Variants in PRKN observed in about 807,000 individuals in gnomAD.
The protein encoded by PRKN is E3 ubiquitin-protein ligase parkin.
PRKN carries 56 observed loss-of-function variants against 59.5 expected under a neutral mutation model. The observed-to-expected ratio is 0.94, with a 90% CI of 0.76 to 1.18. The LOEUF (loss-of-function observed/expected upper bound fraction) is 1.18. PRKN is among the 50% of genes most tolerant of loss of function. The pLI is 0.00. For synonymous variants in PRKN, 250 were observed against 222.1 expected (o/e 1.13, Z -1.12); for missense variants, 657 against 596.4 (o/e 1.10, Z -1.06).
intron 7 of PRKN, among the ~76,000 whole-genome samples, chr6:161,569,902 G>A (rs776819153): frequency 2.5e-4 from 38 of 151,948 alleles, no homozygotes; most frequent in Non-Finnish European, 3.7e-4. Context: ...TCTTTGGGGG[G>A]CTCAGCTGGC....
intron 7 of PRKN, among the ~76,000 whole-genome samples, chr6:161,775,250 C>CT (rs545755404): frequency 3.0e-4 from 45 of 148,656 alleles, no homozygotes; most frequent in East Asian, 2.0e-4. Context: ...GTTAGCAATT[C>CT]TTTTTTTTTT....
chr6:162,551,405 C>G lies in PRKN; in HGVS notation c.8-107932G>C, dbSNP rs535391428. 1.1e-4 allele frequency among the ~76,000 whole-genome samples: 16 copies of G among 152,278 alleles called. No homozygotes were observed. The South Asian group carries it at 3.1e-3, about 30-fold the overall frequency. Reference sequence around the variant, plus strand: ...TATCATAAACAAATAATGAGAATAACTCCTTTTCTCTAAATATACAGTTAT... The same window carrying G: ...TATCATAAACAAATAATGAGAATAAGTCCTTTTCTCTAAATATACAGTTAT... On this transcript the variant is annotated intron_variant, in intron 1 of 11. Coordinates refer to ENST00000366898, the MANE Select transcript of PRKN (RefSeq NM_004562.3).
intron 2 of PRKN, among the ~76,000 whole-genome samples, chr6:162,428,521 C>A (rs144652381): frequency 1.3e-4 from 19 of 151,608 alleles, no homozygotes; most frequent in Middle Eastern, 6.8e-3. Context: ...GCCCCTCCCA[C>A]AATAACCCAT....
rs570755113 is a variant in PRKN at position 161,601,746 on chromosome 6, C to A, written c.872-32330G>T. Among the ~76,000 whole-genome samples the A allele has an allele frequency of 2.0e-4, 30 of 152,088 alleles. No homozygotes were observed. In the East Asian group the frequency reaches 4.9e-3, roughly 25 times the overall value. On this transcript the variant is annotated intron_variant, in intron 7 of 11. Coordinates refer to ENST00000366898, the MANE Select transcript of PRKN (RefSeq NM_004562.3). Reference sequence around the variant, plus strand: ...TACAGGCGCCCGCCACCACGCCTGGCTAATTTTTTGTATTTTTAGTAGAGA... The same window carrying A: ...TACAGGCGCCCGCCACCACGCCTGGATAATTTTTTGTATTTTTAGTAGAGA...
At chr6:161,874,248 ATATATAT>A (rs1794530380) in intron 6 of PRKN, among the ~76,000 whole-genome samples, 2 of 10,102 alleles carry the variant, frequency 2.0e-4, no homozygotes, top group East Asian at 4.0e-3. Context: ...ATAATATATA[ATATATAT>A]TATATGTAAA....
chr6:162,622,296 TTTTTTTG>T (rs1782703978), intron 1 of PRKN, among the ~76,000 whole-genome samples: 1 of 131,758 alleles, frequency 7.6e-6, no homozygotes, highest in Admixed American at 7.8e-5. Context: ...ATTCTGTTTT[TTTTTTTG>T]TTTTGTTTTT....
chr6:162,435,130 T>A (rs1220743852), intron 2 of PRKN, among the ~76,000 whole-genome samples: 2 of 152,176 alleles, frequency 1.3e-5, no homozygotes, highest in Non-Finnish European at 2.9e-5. Context: ...CAGTATGGCA[T>A]CTCTTCTCTG....
intron 1 of PRKN, among the ~76,000 whole-genome samples, chr6:162,679,318 G>A (rs1426074175): frequency 2.0e-5 from 3 of 152,080 alleles, no homozygotes; most frequent in Non-Finnish European, 4.4e-5. Context: ...TGGCCAGGCT[G>A]GTCTTGGACT....
chr6:161,702,951 G>A (rs1178066964), intron 7 of PRKN, among the ~76,000 whole-genome samples: 1 of 150,342 alleles, frequency 6.7e-6, no homozygotes, highest in Non-Finnish European at 1.5e-5. Flanking sequence ...ACTGTAGGCT[G>A]GAAGAAAATA....
chr6:162,455,366 T>C (rs1790820680), intron 1 of PRKN, among the ~76,000 whole-genome samples: 1 of 152,222 alleles, frequency 6.6e-6, no homozygotes, highest in African/African-American at 2.4e-5. Flanking sequence ...GCAAACATCA[T>C]GGAGTGTATT....
rs936942471 is a variant in PRKN at position 161,483,111 on chromosome 6, TTCTC to T, written c.1083+65739_1083+65742del. ...AAGATGCAAGGGACTTCTCAGCAAT[TTCTC>T]TCTATGTGTTCTGCAGATAAATGTT... On this transcript the variant is annotated intron_variant, in intron 9 of 11. Coordinates refer to ENST00000366898, the MANE Select transcript of PRKN (RefSeq NM_004562.3). This position sits in a 1 kb window ranked among gnomAD's most constrained non-coding sequence, Gnocchi z 5.0. Among the ~76,000 whole-genome samples the T allele has an allele frequency of 6.6e-5, 10 of 151,804 alleles. 1 individual carries two copies. The highest frequency in any genetic ancestry group is 2.2e-4 in the African/African-American group (9 of 41,386).
chr6:162,498,231 C>CT (rs1415978355), intron 1 of PRKN, among the ~76,000 whole-genome samples: 7 of 151,962 alleles, frequency 4.6e-5, no homozygotes, highest in Non-Finnish European at 1.0e-4. Flanking sequence ...GTGTACAAGT[C>CT]TCCTGTACAT....
chr6:161,787,724 A>G (rs1360919939), intron 6 of PRKN, among the ~76,000 whole-genome samples: 1 of 152,226 alleles, frequency 6.6e-6, no homozygotes, highest in Non-Finnish European at 1.5e-5. Context: ...AGGCAGGCGG[A>G]TCACGAGGTC....
chr6:161,366,391 G>A (rs1189933777), intron 10 of PRKN, among the ~76,000 whole-genome samples: 1 of 152,194 alleles, frequency 6.6e-6, no homozygotes, highest in African/African-American at 2.4e-5. Context: ...CCCCCTCATG[G>A]AGATGCCCAC....
chr6:161,797,128 G>C (rs945223907), intron 6 of PRKN, among the ~76,000 whole-genome samples: 1 of 152,176 alleles, frequency 6.6e-6, no homozygotes, highest in Non-Finnish European at 1.5e-5. Context: ...GTTTTAAAAA[G>C]ATACATCTTT....
chr6:162,033,408 G>A (rs1007850985), intron 5 of PRKN, among the ~76,000 whole-genome samples: 1 of 151,958 alleles, frequency 6.6e-6, no homozygotes, highest in Non-Finnish European at 1.5e-5. Flanking sequence ...GCACACCATT[G>A]GTCAACTATC....
At chr6:161,962,962 T>A (rs1439016907) in intron 6 of PRKN, among the ~76,000 whole-genome samples, 2 of 151,956 alleles carry the variant, frequency 1.3e-5, no homozygotes, top group Non-Finnish European at 2.9e-5. Flanking sequence ...CTGGCCAACA[T>A]GGCGAAACCC....
chr6:162,078,474 G>C (rs1401588304), intron 4 of PRKN, among the ~76,000 whole-genome samples: 1 of 152,006 alleles, frequency 6.6e-6, no homozygotes, highest in East Asian at 1.9e-4. Context: ...TCTGGTTTAA[G>C]GAAATCTTTC....
At chr6:162,317,938 T>C (rs756698493) in intron 2 of PRKN, among the ~76,000 whole-genome samples, 4 of 152,008 alleles carry the variant, frequency 2.6e-5, no homozygotes, top group Non-Finnish European at 5.9e-5. Context: ...TCTACCTTTT[T>C]AGTCATTTGT....
Sources: allele counts gnomAD v4.1 joint callset (sites outside exome capture counted in the v4.1 genomes callset), GRCh38; gene constraint gnomAD v4.1.1; non-coding constraint Gnocchi (gnomAD v3.1); transcripts MANE v1.5; gene names NCBI Gene and HGNC (gene_info 2026-07-23, HGNC 2026-07-21).